The following POPDC1 variants were observed in gnomAD, a reference collection of about 807,000 sequenced individuals.
The protein encoded by POPDC1 is popeye domain cAMP effector 1.
chr6:105,101,286 T>C, the POPDC1 span: 7 of 1,408,436 alleles, frequency 5.0e-6, no homozygotes, highest in Non-Finnish European at 6.6e-6. Context: ...ATATCAATTA[T>C]AAATTCCAAC....
chr6:105,132,704 T>C, the POPDC1 span, among the ~76,000 whole-genome samples: 1 of 152,232 alleles, frequency 6.6e-6, no homozygotes, highest in African/African-American at 2.4e-5. Flanking sequence ...TATAACAGAT[T>C]CAATTGTTTT....
the POPDC1 span, among the ~76,000 whole-genome samples, chr6:105,132,480 G>T: frequency 6.6e-6 from 1 of 152,034 alleles, no homozygotes; most frequent in Non-Finnish European, 1.5e-5. Context: ...CTGGATAATG[G>T]GTGCACACCT....
the POPDC1 span, among the ~76,000 whole-genome samples, chr6:105,108,372 A>G: frequency 6.6e-6 from 1 of 152,178 alleles, no homozygotes; most frequent in Non-Finnish European, 1.5e-5. Context: ...GGGAGAAAGG[A>G]TATAAGGACA....
the POPDC1 span, among the ~76,000 whole-genome samples, chr6:105,104,275 CTCT>C: frequency 2.0e-5 from 3 of 152,240 alleles, no homozygotes; most frequent in South Asian, 6.2e-4. Context: ...AGATTCTACC[CTCT>C]TCATCTCAAT....
the POPDC1 span, among the ~76,000 whole-genome samples, chr6:105,103,837 A>AT: frequency 2.0e-5 from 3 of 151,748 alleles, no homozygotes; most frequent in East Asian, 1.9e-4. Flanking sequence ...TATACTTTGC[A>AT]TTTTTTTTCA....
At chr6:105,125,440 C>T in the POPDC1 span, 2 of 1,614,212 alleles carry the variant, frequency 1.2e-6, no homozygotes, top group Non-Finnish European at 1.7e-6. Context: ...GTTTTATCCT[C>T]TGCAGCATAA....
At chr6:105,125,453 T>G in the POPDC1 span, 7 of 1,614,198 alleles carry the variant, frequency 4.3e-6, no homozygotes, top group Non-Finnish European at 5.9e-6. Flanking sequence ...CAGCATAAGT[T>G]TGGCCCTTTT....
the POPDC1 span, among the ~76,000 whole-genome samples, chr6:105,124,377 G>A: frequency 1.5e-4 from 12 of 81,462 alleles, no homozygotes; most frequent in South Asian, 5.5e-4. Flanking sequence ...GCAAGACTCC[G>A]TCTCAAACAA....
the POPDC1 span, among the ~76,000 whole-genome samples, chr6:105,107,994 G>A: frequency 2.0e-5 from 3 of 152,124 alleles, no homozygotes; most frequent in Admixed American, 6.5e-5. Flanking sequence ...CAGGCAAAGC[G>A]TACAAAATTA....
At chr6:105,113,527 GAGCAGGAGCTTTAAC>G in the POPDC1 span, among the ~76,000 whole-genome samples, 1 of 152,154 alleles carries the variant, frequency 6.6e-6, no homozygotes, top group African/African-American at 2.4e-5. Flanking sequence ...TGCTCCTTTA[GAGCAGGAGCTTTAAC>G]AGCCAGCCAT....
the POPDC1 span, among the ~76,000 whole-genome samples, chr6:105,127,548 G>A: frequency 0.012 from 1,783 of 152,156 alleles, 16 homozygotes; most frequent in Admixed American, 0.025. Flanking sequence ...AAACTCCTGG[G>A]TTCCAGTGAT....
the POPDC1 span, chr6:105,133,549 C>A: frequency 6.2e-7 from 1 of 1,613,312 alleles, no homozygotes; most frequent in Non-Finnish European, 8.5e-7. Flanking sequence ...AGTTGATTCT[C>A]TCAATGGGCT....
At chr6:105,133,418 C>A in the POPDC1 span, 3 of 1,613,722 alleles carry the variant, frequency 1.9e-6, no homozygotes, top group African/African-American at 4.0e-5. Context: ...ACCAACCCAA[C>A]TGCAAAACAA....
the POPDC1 span, chr6:105,101,267 T>C: frequency 6.8e-7 from 1 of 1,470,224 alleles, no homozygotes. Context: ...ACCCAGACCC[T>C]GGTGTGATAT....
At chr6:105,117,976 G>C in the POPDC1 span, among the ~76,000 whole-genome samples, 2 of 152,152 alleles carry the variant, frequency 1.3e-5, no homozygotes, top group Non-Finnish European at 2.9e-5. Flanking sequence ...AGCCCAGGAA[G>C]GTCGAGGTTG....
the POPDC1 span, among the ~76,000 whole-genome samples, chr6:105,123,552 C>A: frequency 6.6e-6 from 1 of 151,962 alleles, no homozygotes; most frequent in Non-Finnish European, 1.5e-5. Flanking sequence ...AGGTGCCCAC[C>A]ACCACGCCCA....
At chr6:105,124,611 G>A in the POPDC1 span, 1 of 1,612,806 alleles carries the variant, frequency 6.2e-7, no homozygotes, top group Non-Finnish European at 8.5e-7. Context: ...AAAGGCACAG[G>A]GGTAAATGTT....
chr6:105,105,459 C>T, the POPDC1 span, among the ~76,000 whole-genome samples: 2 of 152,212 alleles, frequency 1.3e-5, no homozygotes, highest in African/African-American at 4.8e-5. Flanking sequence ...GAATCTGCAA[C>T]TGTCATGGCC....
the POPDC1 span, among the ~76,000 whole-genome samples, chr6:105,121,359 G>A: frequency 3.3e-5 from 5 of 149,634 alleles, no homozygotes; most frequent in East Asian, 4.0e-4. Flanking sequence ...TCCGCCTCCC[G>A]AGTTCAAGTG....
Sources: gnomAD v4.1 joint callset for allele counts (sites outside exome capture counted in the v4.1 genomes callset) on GRCh38, gnomAD v4.1.1 for gene constraint, MANE v1.5 for transcripts, NCBI Gene and HGNC (gene_info 2026-07-23, HGNC 2026-07-21) for gene names.